Variants in CATSPERG observed in about 807,000 individuals in gnomAD.
The protein encoded by CATSPERG is catsper channel auxiliary subunit gamma, also known as cation channel sperm-associated auxiliary subunit gamma.
A neutral mutation model predicts 145.0 loss-of-function variants in CATSPERG; 115 were observed. That is an observed-to-expected ratio of 0.79 (90% confidence interval 0.68 to 0.93). The LOEUF is 0.93. Among genes scored for constraint, CATSPERG ranks in the 40% least tolerant of loss-of-function variants. CATSPERG has a pLI of 0.00. For synonymous variants in CATSPERG, 588 were observed against 589.0 expected (o/e 1.00, Z 0.02); for missense variants, 1,296 against 1,490.1 (o/e 0.87, Z 2.14).
At chr19:38,356,423 C>A in intron 9 of CATSPERG, 61 bp from the exon 10 acceptor site, 1 of 1,553,586 alleles carries the variant, frequency 6.4e-7, no homozygotes, top group African/African-American at 1.4e-5. Flanking sequence ...TCGGAGTTGG[C>A]TTGATGGGCT....
rs1345714834 is a variant in CATSPERG, at chr19:38,337,511, G to T, written c.270+7G>T. 3 of 1,552,002 alleles carry T rather than the reference G, an allele frequency of 1.9e-6. No homozygotes were observed. Among genetic ancestry groups the T allele is most frequent in the Non-Finnish European group, 2.6e-6 (3 of 1,147,052 alleles). ...ACCCATCGACCCGAGCGAGGTGAGG[G>T]GACCAGGGTCAAGTGAACCAGAGGG... On this transcript the variant is annotated splice_region_variant and intron_variant, in intron 2 of 28. Transcript: ENST00000409235.
intron 7 of CATSPERG, among the ~76,000 whole-genome samples, chr19:38,346,862 A>G (rs1440742781): frequency 6.6e-6 from 1 of 152,146 alleles, no homozygotes; most frequent in African/African-American, 2.4e-5. Context: ...CCCATTTGTA[A>G]CATGGGAGTA....
chr19:38,350,618 A>G (rs1970122532), intron 7 of CATSPERG, among the ~76,000 whole-genome samples: 2 of 152,028 alleles, frequency 1.3e-5, no homozygotes, highest in African/African-American at 4.8e-5. Flanking sequence ...GCCTCAAGCA[A>G]TCCACCTGTC....
At chr19:38,367,074 GAC>G in intron 22 of CATSPERG, 80 bp from the exon 23 acceptor site, 1 of 1,324,134 alleles carries the variant, frequency 7.6e-7, no homozygotes, top group Non-Finnish European at 1.0e-6. Context: ...GTGGGAGGGG[GAC>G]TGTCCTTCCT....
chr19:38,348,673 A>G (rs1031034311), intron 7 of CATSPERG, among the ~76,000 whole-genome samples: 7 of 151,686 alleles, frequency 4.6e-5, no homozygotes, highest in South Asian at 2.1e-4. Flanking sequence ...GGGTTTCACT[A>G]TGTTGGCCAG....
intron 13 of CATSPERG, among the ~76,000 whole-genome samples, chr19:38,358,977 G>A (rs1230394937): frequency 6.6e-6 from 1 of 152,066 alleles, no homozygotes; most frequent in African/African-American, 2.4e-5. Flanking sequence ...AGACTCCCGA[G>A]TAGCTGGGAT....
intron 3 of CATSPERG, among the ~76,000 whole-genome samples, chr19:38,342,902 C>A (rs113122871): frequency 4.5e-4 from 69 of 152,280 alleles, no homozygotes; most frequent in Admixed American, 1.2e-3. Context: ...GTTGTCCAGG[C>A]ATGCCCTGTC....
At chr19:38,364,718 GA>G (rs796679162) in intron 20 of CATSPERG, among the ~76,000 whole-genome samples, 172 bp from the exon 21 acceptor site, 48 of 152,376 alleles carry the variant, frequency 3.2e-4, no homozygotes, top group African/African-American at 1.1e-3. Flanking sequence ...TTAGGAGCTG[GA>G]GACCAGCCCG....
chr19:38,367,647 G>A (rs370434505), intron 24 of CATSPERG, 34 bp from the exon 25 acceptor site: 12 of 1,612,776 alleles, frequency 7.4e-6, no homozygotes, highest in Non-Finnish European at 1.7e-6. Context: ...TCGAGACCCG[G>A]AGGCCAGTCT....
At chr19:38,344,870 CACACACACACACATATATATAT>C (rs1178177569) in intron 6 of CATSPERG, among the ~76,000 whole-genome samples, 49 of 111,868 alleles carry the variant, frequency 4.4e-4, no homozygotes, top group Middle Eastern at 4.6e-3. Context: ...CACACACACA[CACACACACACACATATATATAT>C]ATATATATAT....
chr19:38,337,492 C>T lies in CATSPERG; in HGVS notation c.258C>T (p.Ile86=). The change falls in exon 2 of 29, where the codon ATC becomes ATT. Residue 86 remains isoleucine (I), a synonymous_variant. Transcript: ENST00000409235. The part of the protein sequence containing the change: ...SLFHMLVDSP[I]DPSEKYLGFP... ...TTCACATGCTGGTGGACTCACCCAT[C>T]GACCCGAGCGAGGTGAGGGGACCAG... 2.6e-6 allele frequency: 4 copies of T among 1,551,994 alleles called. No individual in the cohort carries two copies. Among genetic ancestry groups the T allele is most frequent in the Non-Finnish European group, 3.5e-6 (4 of 1,147,070 alleles).
At chr19:38,358,110 T>C (rs1970278779) in intron 11 of CATSPERG, 168 bp from the exon 12 acceptor site, 2 of 643,354 alleles carry the variant, frequency 3.1e-6, no homozygotes, top group South Asian at 4.0e-5. Context: ...AGGGAGATCC[T>C]GTCTCAGGGG....
rs766667192 is a variant in CATSPERG, at chr19:38,360,593, C to G, written c.1713C>G (p.Tyr571Ter). The G allele has an allele frequency of 1.9e-6, 3 of 1,614,108 alleles. No individual in the cohort carries two copies. The highest frequency in any genetic ancestry group is 1.3e-5 in the African/African-American group (1 of 74,938). ...SLKLMQQSSL[Y>*]ASNETMLTLF... is the part of the protein sequence containing the mutation. ...AGCTGATGCAACAGTCCTCTCTCTACGCATCCAATGAGACCATGCTGACCC... is the reference window on the plus strand; with the variant it reads ...AGCTGATGCAACAGTCCTCTCTCTAGGCATCCAATGAGACCATGCTGACCC... The change falls in exon 15 of 29, where the codon TAC becomes TAG. Residue 571 changes from tyrosine to a stop codon, truncating the protein, a stop_gained. Coordinates refer to ENST00000409235, the MANE Select transcript of CATSPERG (RefSeq NM_021185.5). LOFTEE classifies it high-confidence loss of function.
chr19:38,349,882 C>T (rs1010721161), intron 7 of CATSPERG, among the ~76,000 whole-genome samples: 1 of 152,108 alleles, frequency 6.6e-6, no homozygotes, highest in Non-Finnish European at 1.5e-5. Flanking sequence ...CCAGGCTGGT[C>T]CCGAACTCCT....
At chr19:38,344,884 T>C (rs1377840704) in intron 6 of CATSPERG, among the ~76,000 whole-genome samples, 2,246 of 53,016 alleles carry the variant, frequency 0.042, 67 homozygotes, top group East Asian at 0.17. Context: ...CACACACACA[T>C]ATATATATAT....
chr19:38,338,414 C>A (rs1427210555), intron 3 of CATSPERG, among the ~76,000 whole-genome samples: 1 of 152,178 alleles, frequency 6.6e-6, no homozygotes, highest in Non-Finnish European at 1.5e-5. Context: ...TCCTAGAGTG[C>A]TGGGATTACA....
In CATSPERG at chr19:38,337,217, C is replaced by T. The variant is rs772232638; in HGVS notation, c.-14-4C>T. ...GCGTGGGTGTTGACTCCTGCGTTCTCCAGGTTCTAGCCACGTTATGTGCGG... is the reference window on the plus strand; with the variant it reads ...GCGTGGGTGTTGACTCCTGCGTTCTTCAGGTTCTAGCCACGTTATGTGCGG... On this transcript the variant is annotated splice_polypyrimidine_tract_variant and splice_region_variant and intron_variant, in intron 1 of 28. Transcript: ENST00000409235. 2 of 1,549,532 alleles carry T rather than the reference C, an allele frequency of 1.3e-6. No individual in the cohort carries two copies.
intron 27 of CATSPERG, 25 bp downstream of exon 27, chr19:38,370,089 G>A: frequency 1.2e-6 from 2 of 1,613,626 alleles, no homozygotes; most frequent in Non-Finnish European, 1.7e-6. Context: ...TGGCCCAGGT[G>A]CGGGTCAGGG....
chr19:38,345,090 CATT>C (rs1290718020), intron 6 of CATSPERG, among the ~76,000 whole-genome samples: 6 of 148,722 alleles, frequency 4.0e-5, no homozygotes, highest in Non-Finnish European at 5.9e-5. Context: ...AATTAATTAT[CATT>C]ATTATTATTA....
Sources: gnomAD v4.1 joint callset for allele counts (sites outside exome capture counted in the v4.1 genomes callset) on GRCh38, gnomAD v4.1.1 for gene constraint, MANE v1.5 for transcripts, NCBI Gene and HGNC (gene_info 2026-07-23, HGNC 2026-07-21) for gene names.